The following KIRREL1 variants were observed in gnomAD, a reference collection of about 807,000 sequenced individuals.
The protein encoded by KIRREL1 is kin of IRRE-like protein 1.
Under a neutral mutation model 83.3 loss-of-function variants are expected in KIRREL1, and 25 were observed. The ratio of observed to expected loss-of-function variants is 0.30; its 90% confidence interval spans 0.22 to 0.42. The LOEUF (loss-of-function observed/expected upper bound fraction) is 0.42. Ranked by LOEUF, KIRREL1 falls within the 10% of genes least tolerant of loss-of-function variation. The pLI is 1.00. For missense variants in KIRREL1, 812 were observed against 1,032.3 expected (o/e 0.79, Z 2.92); for synonymous variants, 388 against 410.4 (o/e 0.95, Z 0.66).
chr1:158,012,004 T>G (rs901324456), intron 1 of KIRREL1, among the ~76,000 whole-genome samples: 5 of 152,120 alleles, frequency 3.3e-5, no homozygotes, highest in African/African-American at 1.2e-4. Context: ...TTCTCCCACT[T>G]TCCCCCTCCC....
At position 158,029,366 on chromosome 1, in the gene KIRREL1, T is replaced by TGTGTGTGCGC. The variant is rs1553238087; in HGVS notation, c.52+35639_52+35640insTGTGTGCGCG. Among the ~76,000 whole-genome samples, 23 of 149,024 alleles carry TGTGTGTGCGC rather than the reference T, an allele frequency of 1.5e-4. 1 individual carries two copies. Among genetic ancestry groups the TGTGTGTGCGC allele is most frequent in the African/African-American group, 5.7e-4 (23 of 40,104 alleles). ...GTGTGTGTGTGTGTGTGTGTGTGTG[T>TGTGTGTGCGC]GCACGTGCGCGCGCATGCACACATG... On this transcript the variant is annotated intron_variant, in intron 1 of 14. Coordinates refer to ENST00000359209, the MANE Select transcript of KIRREL1 (RefSeq NM_018240.7).
At chr1:158,091,134 C>T (rs1662184125) in intron 10 of KIRREL1, among the ~76,000 whole-genome samples, 1 of 152,180 alleles carries the variant, frequency 6.6e-6, no homozygotes, top group South Asian at 2.1e-4. Context: ...CTGATGTCAG[C>T]CATGCTTGGG....
intron 1 of KIRREL1, among the ~76,000 whole-genome samples, chr1:158,057,047 G>C (rs570052858): frequency 2.6e-5 from 4 of 151,812 alleles, no homozygotes; most frequent in South Asian, 4.2e-4. Context: ...TCCTTCCTTC[G>C]TTCATTCATC....
chr1:158,091,005 C>T (rs1400665606), intron 10 of KIRREL1, among the ~76,000 whole-genome samples: 2 of 152,182 alleles, frequency 1.3e-5, no homozygotes, highest in Non-Finnish European at 2.9e-5. Flanking sequence ...TCAATGGATC[C>T]GCTGCATCCA....
At chr1:158,067,728 G>A (rs990186179) in intron 1 of KIRREL1, among the ~76,000 whole-genome samples, 5 of 152,222 alleles carry the variant, frequency 3.3e-5, no homozygotes, top group Non-Finnish European at 7.3e-5. Flanking sequence ...TTCCTGGCAG[G>A]ACTGTGCTGG....
chr1:158,039,551 A>C (rs1035857363), intron 1 of KIRREL1, among the ~76,000 whole-genome samples: 4 of 152,070 alleles, frequency 2.6e-5, no homozygotes, highest in Non-Finnish European at 5.9e-5. Context: ...ATGCGCCTGC[A>C]CTCACATTAC....
Position 158,094,186 on chromosome 1 carries a change from C to T in KIRREL1, c.1720-127C>T, listed in dbSNP as rs1477205463. 2.8e-5 allele frequency: 22 copies of T among 783,982 alleles called. No homozygotes were observed. In the East Asian group the frequency reaches 4.3e-4, roughly 15 times the overall value. 48.6% of individuals were successfully genotyped at this position (783,982 alleles called of 1,614,324 possible). ...AGAGCCTCTGCTGAGAGGACCAGAA[C>T]TCAAGTCTGCCCTTGACCTCAGACC... On this transcript the variant is annotated intron_variant, in intron 13 of 14. Coordinates refer to ENST00000359209, the MANE Select transcript of KIRREL1 (RefSeq NM_018240.7). The surrounding 1 kb of genome is among the most constrained non-coding windows in gnomAD (Gnocchi z 4.6).
At chr1:158,080,289 T>C (rs1661811815) in intron 3 of KIRREL1, among the ~76,000 whole-genome samples, 1 of 151,994 alleles carries the variant, frequency 6.6e-6, no homozygotes, top group Middle Eastern at 3.2e-3. Flanking sequence ...ATCACAGAGA[T>C]AGAGAGAGAT....
chr1:158,092,462 C>G (rs1038815887), intron 11 of KIRREL1, among the ~76,000 whole-genome samples: 15 of 150,668 alleles, frequency 1.0e-4, no homozygotes, highest in African/African-American at 3.7e-4. Flanking sequence ...AGTCTCCTAC[C>G]TCAACCTCCC....
chr1:158,052,039 C>T lies in KIRREL1; in HGVS notation c.53-24074C>T, dbSNP rs537618012. ...ACAGCAGCTCCCTGCTGTACCTACC[C>T]TCCCTCTAACTACTGGCAGAGTGTT... On this transcript the variant is annotated intron_variant, in intron 1 of 14. Transcript: ENST00000359209. Among the ~76,000 whole-genome samples the T allele has an allele frequency of 7.9e-5, 12 of 152,278 alleles. No homozygotes were observed. In the South Asian group the frequency reaches 2.1e-3, roughly 26 times the overall value.
intron 1 of KIRREL1, among the ~76,000 whole-genome samples, chr1:158,064,052 GTGT>G (rs1661297825): frequency 6.6e-6 from 1 of 152,180 alleles, no homozygotes; most frequent in Admixed American, 6.5e-5. Flanking sequence ...CTGGAGGGTG[GTGT>G]TTTATACATT....
At chr1:158,029,436 T>C (rs773217014) in intron 1 of KIRREL1, among the ~76,000 whole-genome samples, 2 of 152,062 alleles carry the variant, frequency 1.3e-5, no homozygotes, top group Non-Finnish European at 2.9e-5. Context: ...ACATAAAATA[T>C]GTATAATTTT....
intron 1 of KIRREL1, among the ~76,000 whole-genome samples, chr1:158,016,144 A>G (rs1191553762): frequency 2.0e-5 from 3 of 152,116 alleles, no homozygotes; most frequent in Non-Finnish European, 2.9e-5. Flanking sequence ...TCTCTACTAA[A>G]AATACAAAAA....
At chr1:158,053,994 C>T (rs1394005785) in intron 1 of KIRREL1, among the ~76,000 whole-genome samples, 9 of 151,304 alleles carry the variant, frequency 5.9e-5, no homozygotes, top group Non-Finnish European at 1.0e-4. Flanking sequence ...GGGTGGATCA[C>T]GAGGTCAGGA....
In KIRREL1 at chr1:158,099,471, G is replaced by A. The variant is rs1266279147; in HGVS notation, c.*4351G>A. 1.3e-5 allele frequency: 2 copies of A among 152,182 alleles called. No individual in the cohort carries two copies. The highest frequency in any genetic ancestry group is 2.9e-5 in the Non-Finnish European group (2 of 68,082). The allele number at this position is 152,182 out of a possible 1,614,324, so 9.4% of individuals were successfully genotyped here. A position where few individuals can be genotyped will look rare whatever the true frequency, so the allele number is the denominator to read the frequency against. ...CACCTCTGGGCTGCTGGAGAGGACT[G>A]AGAGATGTGTGGTTTGGTAGGAAGG... On this transcript the variant is annotated 3_prime_UTR_variant, in exon 15 of 15. Transcript: ENST00000359209.
At chr1:158,083,262 T>C (rs1167476512) in intron 3 of KIRREL1, among the ~76,000 whole-genome samples, 2 of 152,244 alleles carry the variant, frequency 1.3e-5, no homozygotes, top group Admixed American at 1.3e-4. Context: ...TTGCTGTTTT[T>C]CCAGGGGATC....
chr1:158,094,215 C>A lies in KIRREL1; in HGVS notation c.1720-98C>A. 9.9e-7 allele frequency: 1 copy of A among 1,009,854 alleles called. No homozygotes were observed. The highest frequency in any genetic ancestry group is 1.5e-6 in the Non-Finnish European group (1 of 653,560). The allele number at this position is 1,009,854 out of a possible 1,614,324, so 62.6% of individuals were successfully genotyped here. On this transcript the variant is annotated intron_variant, in intron 13 of 14. Coordinates refer to ENST00000359209, the MANE Select transcript of KIRREL1 (RefSeq NM_018240.7). This position sits in a 1 kb window ranked among gnomAD's most constrained non-coding sequence, Gnocchi z 4.6. ...AGTCTGCCCTTGACCTCAGACCCCACCCATGAGCAGGTGGCCTCTGAGCGT... is the reference window on the plus strand; with the variant it reads ...AGTCTGCCCTTGACCTCAGACCCCAACCATGAGCAGGTGGCCTCTGAGCGT...
intron 1 of KIRREL1, among the ~76,000 whole-genome samples, chr1:158,021,307 A>G (rs955747757): frequency 6.6e-6 from 1 of 152,220 alleles, no homozygotes; most frequent in South Asian, 2.1e-4. Flanking sequence ...ATTCTCCACC[A>G]AAAAAGCAGA....
chr1:158,055,658 T>C (rs1178210151), intron 1 of KIRREL1, among the ~76,000 whole-genome samples: 1 of 152,224 alleles, frequency 6.6e-6, no homozygotes, highest in African/African-American at 2.4e-5. Flanking sequence ...GCAGAATTTA[T>C]ATGTCGCCAG....
Sources: allele counts gnomAD v4.1 joint callset (sites outside exome capture counted in the v4.1 genomes callset), GRCh38; gene constraint gnomAD v4.1.1; non-coding constraint Gnocchi (gnomAD v3.1); transcripts MANE v1.5; gene names NCBI Gene and HGNC (gene_info 2026-07-23, HGNC 2026-07-21).